The following DNM3 variants were observed in gnomAD, a reference collection of about 807,000 sequenced individuals.
DNM3 encodes dynamin 3, also known as dynamin-3.
Under a neutral mutation model 101.6 loss-of-function variants are expected in DNM3, and 47 were observed. That is an observed-to-expected ratio of 0.46 (90% confidence interval 0.37 to 0.59). The LOEUF (loss-of-function observed/expected upper bound fraction) is 0.59. Among genes scored for constraint, DNM3 ranks in the 20% least tolerant of loss-of-function variants. DNM3 has a pLI of 0.00. For missense variants in DNM3, 849 were observed against 1,085.7 expected, an observed-to-expected ratio of 0.78 and a Z score of 3.06; for synonymous variants, 385 against 387.9, an observed-to-expected ratio of 0.99 and a Z score of 0.09.
intron 18 of DNM3, among the ~76,000 whole-genome samples, chr1:172,386,084 C>T (rs1266054073): frequency 3.3e-5 from 5 of 152,182 alleles, no homozygotes; most frequent in Non-Finnish European, 5.9e-5. Context: ...AATACTAATA[C>T]ATGTTTCTTC....
intron 2 of DNM3, among the ~76,000 whole-genome samples, chr1:171,941,157 G>A (rs1191433374): frequency 6.6e-6 from 1 of 152,008 alleles, no homozygotes; most frequent in African/African-American, 2.4e-5. Context: ...GGTTTCTGAA[G>A]GATAAACAAA....
chr1:172,358,713 T>C (rs2067576642), intron 17 of DNM3, among the ~76,000 whole-genome samples: 1 of 152,098 alleles, frequency 6.6e-6, no homozygotes, highest in African/African-American at 2.4e-5. Context: ...GATTCATTGC[T>C]TCTCACAAGC....
At chr1:171,846,950 G>A (rs1010900394) in intron 1 of DNM3, among the ~76,000 whole-genome samples, 1 of 152,120 alleles carries the variant, frequency 6.6e-6, no homozygotes, top group African/African-American at 2.4e-5. Flanking sequence ...TGTCAATAGG[G>A]GAGAAAATTC....
chr1:172,283,738 T>C (rs1402172365), intron 15 of DNM3, among the ~76,000 whole-genome samples: 1 of 102,228 alleles, frequency 9.8e-6, no homozygotes, highest in Non-Finnish European at 2.0e-5. Context: ...CCAGCCTGGG[T>C]GATAGAGTGA....
At chr1:172,075,558 A>T (rs984920017) in intron 11 of DNM3, among the ~76,000 whole-genome samples, 18 of 152,178 alleles carry the variant, frequency 1.2e-4, no homozygotes, top group African/African-American at 4.3e-4. Context: ...AACACCATTT[A>T]TTAAATAGGG....
intron 17 of DNM3, among the ~76,000 whole-genome samples, chr1:172,377,863 A>G (rs138786083): frequency 1.5e-3 from 222 of 152,046 alleles, no homozygotes; most frequent in African/African-American, 5.2e-3. Flanking sequence ...AACCAATTCT[A>G]TCAATATTGT....
chr1:171,885,937 A>G (rs2036724794), intron 1 of DNM3, among the ~76,000 whole-genome samples: 2 of 152,138 alleles, frequency 1.3e-5, no homozygotes, highest in Non-Finnish European at 2.9e-5. Context: ...AGGGTACAGG[A>G]TGAAACTGAG....
intron 4 of DNM3, among the ~76,000 whole-genome samples, chr1:172,001,918 G>A (rs1225524155): frequency 1.3e-5 from 2 of 152,032 alleles, no homozygotes; most frequent in African/African-American, 4.8e-5. Flanking sequence ...ACATTTAGCA[G>A]ATATCCAATC....
At chr1:171,864,119 T>C (rs996874790) in intron 1 of DNM3, 1 of 152,218 alleles carries the variant, frequency 6.6e-6, no homozygotes, top group Non-Finnish European at 1.5e-5. Flanking sequence ...CAATAAATGA[T>C]AGTTTAAAAA....
At chr1:172,098,815 A>G (rs1183997799) in intron 13 of DNM3, among the ~76,000 whole-genome samples, 2 of 152,216 alleles carry the variant, frequency 1.3e-5, no homozygotes, top group African/African-American at 4.8e-5. Flanking sequence ...AACAAGTGGT[A>G]GAACAAAAGC....
intron 20 of DNM3, among the ~76,000 whole-genome samples, chr1:172,395,714 T>A (rs2069926921): frequency 6.6e-6 from 1 of 152,228 alleles, no homozygotes; most frequent in Non-Finnish European, 1.5e-5. Context: ...ATCCTTTAGC[T>A]TACCATTGCC....
intron 14 of DNM3, among the ~76,000 whole-genome samples, chr1:172,236,984 T>C (rs553713687): frequency 6.6e-6 from 1 of 152,158 alleles, no homozygotes; most frequent in Non-Finnish European, 1.5e-5. Flanking sequence ...GGCCGAACAT[T>C]ATTGTATCGT....
At chr1:172,366,071 A>T (rs1558049033) in intron 17 of DNM3, among the ~76,000 whole-genome samples, 1 of 151,694 alleles carries the variant, frequency 6.6e-6, no homozygotes, top group Non-Finnish European at 1.5e-5. Flanking sequence ...CTCTTAAAAC[A>T]TTTTTTTAAT....
intron 13 of DNM3, among the ~76,000 whole-genome samples, chr1:172,112,165 G>T (rs1288706403): frequency 6.6e-6 from 1 of 152,128 alleles, no homozygotes; most frequent in African/African-American, 2.4e-5. Context: ...AAAAATAGCT[G>T]ATATGATTAA....
At chr1:172,014,629 T>G (rs2047331790) in intron 4 of DNM3, among the ~76,000 whole-genome samples, 1 of 152,198 alleles carries the variant, frequency 6.6e-6, no homozygotes, top group African/African-American at 2.4e-5. Context: ...TTTTTCTCAT[T>G]TTTTAATTGA....
chr1:171,841,533 T>C lies in DNM3; in HGVS notation c.-124T>C. On this transcript the variant is annotated 5_prime_UTR_variant, in exon 1 of 21. Coordinates refer to ENST00000627582, the MANE Select transcript of DNM3 (RefSeq NM_015569.5). Reference sequence around the variant, plus strand: ...GGCGGGCTGGCGGCGGGCTCCGACGTCTGCGCCAGGACCTGGCTGGCTGAG... The same window carrying C: ...GGCGGGCTGGCGGCGGGCTCCGACGCCTGCGCCAGGACCTGGCTGGCTGAG... 7.4e-7 allele frequency: 1 copy of C among 1,352,282 alleles called. No homozygotes were observed. The highest frequency in any genetic ancestry group is 3.1e-5 in the Admixed American group (1 of 32,724). 83.8% of individuals were successfully genotyped at this position (1,352,282 alleles called of 1,614,324 possible). A position where few individuals can be genotyped will look rare whatever the true frequency, so the allele number is the denominator to read the frequency against.
chr1:171,950,026 T>G (rs2042412902), intron 2 of DNM3, among the ~76,000 whole-genome samples: 1 of 151,958 alleles, frequency 6.6e-6, no homozygotes. Flanking sequence ...AACAAGCGAA[T>G]GGACAAACAT....
intron 13 of DNM3, among the ~76,000 whole-genome samples, chr1:172,116,608 C>T (rs2055912787): frequency 6.6e-6 from 1 of 152,182 alleles, no homozygotes; most frequent in East Asian, 1.9e-4. Context: ...CAAGGGTAGC[C>T]ACCTCAGCTC....
chr1:171,982,615 C>T (rs1419593778), intron 2 of DNM3, among the ~76,000 whole-genome samples: 1 of 151,970 alleles, frequency 6.6e-6, no homozygotes, highest in Non-Finnish European at 1.5e-5. Context: ...GCTGTGATTA[C>T]TCTGAGGTCA....
Sources: gnomAD v4.1 joint callset for allele counts (sites outside exome capture counted in the v4.1 genomes callset) on GRCh38, gnomAD v4.1.1 for gene constraint, MANE v1.5 for transcripts, NCBI Gene and HGNC (gene_info 2026-07-23, HGNC 2026-07-21) for gene names.